Variants in OLFM4 observed in about 807,000 individuals in gnomAD.
OLFM4 encodes olfactomedin-4.
Under a neutral mutation model 25.5 loss-of-function variants are expected in OLFM4, and 22 were observed. The observed-to-expected ratio is 0.86, with a 90% CI of 0.62 to 1.23. The LOEUF is 1.23. Ranked by LOEUF, OLFM4 falls within the 50% of genes most tolerant of loss-of-function variation. The pLI is 0.00. For missense variants in OLFM4, 594 were observed against 619.4 expected (o/e 0.96, Z 0.44); for synonymous variants, 255 against 237.7 (o/e 1.07, Z -0.67).
At chr13:53,041,654 TGCAAATGATGATGCTGAA>T (rs1205737830) in intron 2 of OLFM4, among the ~76,000 whole-genome samples, 1 of 152,216 alleles carries the variant, frequency 6.6e-6, no homozygotes, top group Non-Finnish European at 1.5e-5. Flanking sequence ...AAAATATACC[TGCAAATGATGATGCTGAA>T]GCAAAATTAT....
At chr13:53,029,397 T>A (rs1954616765) in intron 1 of OLFM4, among the ~76,000 whole-genome samples, 1 of 152,116 alleles carries the variant, frequency 6.6e-6, no homozygotes, top group South Asian at 2.1e-4. Flanking sequence ...TCAAATATTT[T>A]AAAAAACCTC....
In OLFM4 at chr13:53,028,901, TG is replaced by T; in HGVS notation, c.70del (p.Asp24MetfsTer37). 1 of 1,614,184 alleles carries T rather than the reference TG, an allele frequency of 6.2e-7. No homozygotes were observed. Among genetic ancestry groups the T allele is most frequent in the Non-Finnish European group, 8.5e-7 (1 of 1,180,024 alleles). On this transcript the variant is annotated frameshift_variant, in exon 1 of 5. Transcript: ENST00000219022. LOFTEE classifies it high-confidence loss of function. ...LFFLGQAAGDLGDVGPPIPSP... is the reference protein window; with the variant it reads ...LFFLGQAAGDXGDVGPPIPSP... Reference sequence around the variant, plus strand: ...TTCCTTGGCCAAGCTGCAGGGGATTTGGGGGATGTGGGACCTCCAATTCCCA... The same window carrying T: ...TTCCTTGGCCAAGCTGCAGGGGATTTGGGGATGTGGGACCTCCAATTCCCA...
At chr13:53,038,435 A>G (rs1954670843) in intron 2 of OLFM4, among the ~76,000 whole-genome samples, 1 of 152,202 alleles carries the variant, frequency 6.6e-6, no homozygotes. Context: ...CTCAGGCTAT[A>G]TGATATAGCC....
chr13:53,046,021 TA>T (rs1382942386), intron 4 of OLFM4, among the ~76,000 whole-genome samples: 1 of 152,126 alleles, frequency 6.6e-6, no homozygotes, highest in Non-Finnish European at 1.5e-5. Context: ...AGCTGATGAT[TA>T]AATGGGGTCT....
chr13:53,036,017 G>C (rs991743850), intron 2 of OLFM4, among the ~76,000 whole-genome samples: 3 of 152,204 alleles, frequency 2.0e-5, no homozygotes, highest in Non-Finnish European at 4.4e-5. Context: ...GCAAGATTCA[G>C]AATAAGTTTT....
At chr13:53,037,738 C>T (rs1235629051) in intron 2 of OLFM4, among the ~76,000 whole-genome samples, 1 of 152,120 alleles carries the variant, frequency 6.6e-6, no homozygotes, top group Admixed American at 6.5e-5. Flanking sequence ...ACTCCAGGCT[C>T]AATGAACCCT....
At chr13:53,029,318 C>CG (rs1013630246) in intron 1 of OLFM4, among the ~76,000 whole-genome samples, 4 of 151,826 alleles carry the variant, frequency 2.6e-5, no homozygotes, top group Non-Finnish European at 5.9e-5. Context: ...AATGGGTGGC[C>CG]GGGGGGACTC....
rs932015289 is a variant in OLFM4, at chr13:53,035,332, T to G, written c.357+832T>G. ...TATTTTTAATCTTATTTTTTTTTGG[T>G]GTATAGTAGGTGTATGTATTAATGG... is the stretch of plus-strand genomic sequence containing the variant. On this transcript the variant is annotated intron_variant, in intron 2 of 4. Transcript: ENST00000219022. 4.0e-5 allele frequency among the ~76,000 whole-genome samples: 6 copies of G among 151,356 alleles called. 1 individual carries two copies. In the South Asian group the frequency reaches 1.3e-3, roughly 32 times the overall value.
intron 1 of OLFM4, among the ~76,000 whole-genome samples, chr13:53,030,462 C>G (rs1954623407): frequency 6.6e-6 from 1 of 152,152 alleles, no homozygotes; most frequent in Non-Finnish European, 1.5e-5. Flanking sequence ...GCCACCACGC[C>G]TGGCTAATTT....
intron 2 of OLFM4, among the ~76,000 whole-genome samples, chr13:53,041,364 A>G (rs1954685854): frequency 6.6e-6 from 1 of 152,342 alleles, no homozygotes; most frequent in South Asian, 2.1e-4. Context: ...GAAGCAAATT[A>G]ACACAAGAAC....
intron 2 of OLFM4, among the ~76,000 whole-genome samples, chr13:53,035,502 A>T (rs756765754): frequency 1.3e-5 from 2 of 152,152 alleles, no homozygotes; most frequent in Non-Finnish European, 2.9e-5. Flanking sequence ...GTACAATGAA[A>T]TTATTATGGA....
At chr13:53,037,061 G>C (rs746007821) in intron 2 of OLFM4, among the ~76,000 whole-genome samples, 13 of 152,328 alleles carry the variant, frequency 8.5e-5, no homozygotes, top group South Asian at 6.2e-4. Flanking sequence ...TATTACAGCT[G>C]TCCCTAGGTT....
intron 3 of OLFM4, 105 bp downstream of exon 3, chr13:53,042,227 T>A (rs888221072): frequency 1.8e-5 from 17 of 943,968 alleles, no homozygotes; most frequent in Non-Finnish European, 2.8e-5. Context: ...CAACTTCTAA[T>A]TCTCTACTGT....
At chr13:53,045,575 G>A (rs1338306791) in intron 4 of OLFM4, among the ~76,000 whole-genome samples, 1 of 152,082 alleles carries the variant, frequency 6.6e-6, no homozygotes, top group Admixed American at 6.5e-5. Context: ...TCTATTATGG[G>A]ACTTTAAAAT....
At chr13:53,042,543 C>G (rs1036390745) in intron 3 of OLFM4, among the ~76,000 whole-genome samples, 2 of 152,140 alleles carry the variant, frequency 1.3e-5, no homozygotes, top group Non-Finnish European at 2.9e-5. Flanking sequence ...TTTGAATAAC[C>G]TGGAATCCTT....
Position 53,032,637 on chromosome 13 carries a change from G to A in OLFM4, c.205-1711G>A, listed in dbSNP as rs147267434. Among the ~76,000 whole-genome samples, 16 of 152,006 alleles carry A rather than the reference G, an allele frequency of 1.1e-4. 1 individual carries two copies. In the East Asian group the frequency reaches 2.7e-3, roughly 26 times the overall value. On this transcript the variant is annotated intron_variant, in intron 1 of 4. Coordinates refer to ENST00000219022, the MANE Select transcript of OLFM4 (RefSeq NM_006418.5). ...TCCCTACTCCTGAACTGTTTCCCAC[G>A]TAGGGATGTGATTGGAAAAGAAAAT...
Position 53,034,465 on chromosome 13 carries a change from G to A in OLFM4, c.322G>A (p.Val108Ile). 1 of 1,613,500 alleles carries A rather than the reference G, an allele frequency of 6.2e-7. No homozygotes were observed. The highest frequency in any genetic ancestry group is 8.5e-7 in the Non-Finnish European group (1 of 1,179,854). The part of the protein sequence containing the change: ...RVERLEFTAH[V>I]LSQKFEKELS... Reference sequence around the variant, plus strand: ...GGAACGCTTGGAATTCACAGCTCATGTTCTTTCTCAGAAGTTTGAGAAAGA... The same window carrying A: ...GGAACGCTTGGAATTCACAGCTCATATTCTTTCTCAGAAGTTTGAGAAAGA... Residue 108 changes from valine to isoleucine, a missense_variant, in exon 2 of 5, where the codon GTT becomes ATT. By Grantham distance (29) the Val-to-Ile change is conservative. Transcript: ENST00000219022.
intron 2 of OLFM4, among the ~76,000 whole-genome samples, chr13:53,035,574 AT>A (rs1954654139): frequency 6.6e-6 from 1 of 152,092 alleles, no homozygotes; most frequent in African/African-American, 2.4e-5. Context: ...AACTACTTTT[AT>A]TTTTTACCCT....
chr13:53,032,500 A>G (rs954403076), intron 1 of OLFM4, among the ~76,000 whole-genome samples: 1 of 152,114 alleles, frequency 6.6e-6, no homozygotes, highest in Non-Finnish European at 1.5e-5. Context: ...GGCCTCTCTG[A>G]TAGGTTCCTG....
Sources: gnomAD v4.1 joint callset for allele counts (sites outside exome capture counted in the v4.1 genomes callset) on GRCh38, gnomAD v4.1.1 for gene constraint, MANE v1.5 for transcripts, NCBI Gene and HGNC (gene_info 2026-07-23, HGNC 2026-07-21) for gene names.